CYP17A1: variants seen among roughly 807,000 people sequenced by gnomAD.
CYP17A1 encodes the protein cytochrome P450 family 17 subfamily A member 1.
A neutral mutation model predicts 38.5 loss-of-function variants in CYP17A1; 27 were observed. The observed-to-expected ratio is 0.70, with a 90% CI of 0.52 to 0.97. CYP17A1 has a LOEUF of 0.97. Ranked by LOEUF, CYP17A1 falls within the 50% of genes least tolerant of loss-of-function variation. The pLI, the probability that CYP17A1 is intolerant of heterozygous loss-of-function variation, is 0.00. For synonymous variants in CYP17A1, 263 were observed against 253.3 expected, an observed-to-expected ratio of 1.04 and a Z score of -0.36; for missense variants, 549 against 645.9, an observed-to-expected ratio of 0.85 and a Z score of 1.63.
intron 1 of CYP17A1, chr10:102,835,719 G>A (rs1844154105): frequency 2.5e-6 from 1 of 394,966 alleles, no homozygotes; most frequent in Non-Finnish European, 4.8e-6. Flanking sequence ...CTGACCACAG[G>A]AAGGCAACTC....
chr10:102,832,690 A>G lies in CYP17A1; in HGVS notation c.970-10T>C, dbSNP rs1844106268. ...AGAGCTTCTTCTTCACCTGAAGACCAGAGTAGGTTGGAGGTGACTAGTGTG... is the reference window on the plus strand; with the variant it reads ...AGAGCTTCTTCTTCACCTGAAGACCGGAGTAGGTTGGAGGTGACTAGTGTG... On this transcript the variant is annotated splice_polypyrimidine_tract_variant and intron_variant, in intron 5 of 7. Transcript: ENST00000369887. 1 of 1,586,420 alleles carries G rather than the reference A, an allele frequency of 6.3e-7. No homozygotes were observed. The highest frequency in any genetic ancestry group is 8.7e-7 in the Non-Finnish European group (1 of 1,154,804).
intron 6 of CYP17A1, 110 bp downstream of exon 6, chr10:102,832,401 G>T: frequency 1.3e-6 from 1 of 780,492 alleles, no homozygotes; most frequent in South Asian, 1.4e-5. Flanking sequence ...GTTGATGGTT[G>T]ACTGACTTTA....
In CYP17A1 at chr10:102,837,387, TAGAC is replaced by T. The variant is rs1844179455; in HGVS notation, c.-30_-27del. On this transcript the variant is annotated 5_prime_UTR_variant, in exon 1 of 8. Transcript: ENST00000369887. ...GGTGGCTGGGTGCCGGCAGGCAAGA[TAGAC>T]AGCAGTGGAGTAGAAGAGCTGTGGC... The T allele has an allele frequency of 6.7e-7, 1 of 1,496,788 alleles. No individual in the cohort carries two copies. The highest frequency in any genetic ancestry group is 2.3e-5 in the East Asian group (1 of 44,354). The allele number at this position is 1,496,788 out of a possible 1,614,324, so 92.7% of individuals were successfully genotyped here. A position where few individuals can be genotyped will look rare whatever the true frequency, so the allele number is the denominator to read the frequency against.
In CYP17A1 at chr10:102,835,285, G is replaced by C; in HGVS notation, c.405C>G (p.Phe135Leu). The C allele has an allele frequency of 6.2e-7, 1 of 1,613,504 alleles. No individual in the cohort carries two copies. The highest frequency in any genetic ancestry group is 8.5e-7 in the Non-Finnish European group (1 of 1,179,450). ...RRLAMATFAL[F>L]KDGDQKLEKI... ...TCTCCAGCTTCTGATCGCCATCCTTGAACAGGGCAAAGGTGGCCATCGCCA... is the reference window on the plus strand; with the variant it reads ...TCTCCAGCTTCTGATCGCCATCCTTCAACAGGGCAAAGGTGGCCATCGCCA... Residue 135 changes from phenylalanine (F) to leucine (L), a missense_variant, in exon 2 of 8, where the codon TTC becomes TTG. By Grantham distance (22) the Phe-to-Leu change is conservative. Transcript: ENST00000369887.
intron 7 of CYP17A1, 106 bp from the exon 8 acceptor site, chr10:102,831,091 T>A: frequency 2.2e-6 from 1 of 463,464 alleles, no homozygotes; most frequent in Non-Finnish European, 4.1e-6. Flanking sequence ...GGAACCCTGA[T>A]CTGAGGATGT....
chr10:102,835,062 C>T (rs774995068), intron 2 of CYP17A1, 48 bp from the exon 3 acceptor site: 4 of 1,253,038 alleles, frequency 3.2e-6, no homozygotes, highest in African/African-American at 1.5e-5. Context: ...AGCACCCTTA[C>T]CCCCTCTCTG....
intron 6 of CYP17A1, among the ~76,000 whole-genome samples, chr10:102,832,074 T>C (rs1407269506): frequency 6.6e-6 from 1 of 151,872 alleles, no homozygotes; most frequent in Non-Finnish European, 1.5e-5. Flanking sequence ...TATATTTAAT[T>C]AATTAATTAT....
chr10:102,837,272 G>A lies in CYP17A1; in HGVS notation c.90C>T (p.Ser30=). Residue 30 remains serine (S), a synonymous_variant, in exon 1 of 8, where the codon AGC becomes AGT. Coordinates refer to ENST00000369887, the MANE Select transcript of CYP17A1 (RefSeq NM_000102.4). ...RRCPGAKYPK[S]LLSLPLVGSL... ...TGCCCACCAGGGGCAGGGACAGGAG[G>A]CTCTTGGGGTACTTGGCACCAGGGC... 1 of 1,602,676 alleles carries A rather than the reference G, an allele frequency of 6.2e-7. No homozygotes were observed. The highest frequency in any genetic ancestry group is 8.6e-7 in the Non-Finnish European group (1 of 1,169,552).
chr10:102,836,989 T>A (rs1173853066), intron 1 of CYP17A1, 76 bp downstream of exon 1: 4 of 869,752 alleles, frequency 4.6e-6, no homozygotes, highest in African/African-American at 1.6e-5. Flanking sequence ...GGAAGCCCCA[T>A]TCTAGGCATG....
intron 3 of CYP17A1, chr10:102,834,448 G>A (rs770742809): frequency 4.0e-5 from 22 of 549,272 alleles, no homozygotes; most frequent in Non-Finnish European, 6.4e-5. Flanking sequence ...CCTTAACCCC[G>A]CTAAGCCTGC....
At chr10:102,835,424 C>T (rs1590204156) in intron 1 of CYP17A1, 32 bp from the exon 2 acceptor site, 2 of 1,587,464 alleles carry the variant, frequency 1.3e-6, no homozygotes, top group Non-Finnish European at 1.7e-6. Flanking sequence ...GTAGGAATCT[C>T]ACACCATCCA....
At chr10:102,833,956 A>G (rs1844125178) in intron 4 of CYP17A1, 80 bp downstream of exon 4, 6 of 792,712 alleles carry the variant, frequency 7.6e-6, no homozygotes, top group South Asian at 1.4e-5. Flanking sequence ...TGAAGCTTCT[A>G]CAGTGTGTAG....
intron 3 of CYP17A1, chr10:102,834,351 C>T: frequency 1.7e-6 from 1 of 579,084 alleles, no homozygotes; most frequent in Middle Eastern, 4.9e-4. Flanking sequence ...TCTCCTTCCC[C>T]ATTCAATCAA....
intron 7 of CYP17A1, 71 bp downstream of exon 7, chr10:102,831,437 G>A: frequency 6.3e-7 from 1 of 1,596,048 alleles, no homozygotes. Flanking sequence ...CAGAGGTGAA[G>A]GGGTACTGGG....
chr10:102,834,003 C>T lies in CYP17A1; in HGVS notation c.753+33G>A, dbSNP rs763622768. The T allele has an allele frequency of 3.3e-6, 3 of 898,584 alleles. 1 individual carries two copies. In the Admixed American group the frequency reaches 5.1e-5, roughly 15 times the overall value. 55.7% of individuals were successfully genotyped at this position (898,584 alleles called of 1,614,324 possible). A position where few individuals can be genotyped will look rare whatever the true frequency, so the allele number is the denominator to read the frequency against. ...CCCTGCTCTTGTGATTACTTTTAGC[C>T]TAACTCATATTCTCTTCTGCTCTAT... On this transcript the variant is annotated intron_variant, in intron 4 of 7. Transcript: ENST00000369887.
At position 102,830,617 on chromosome 10, in the gene CYP17A1, A is replaced by G; in HGVS notation, c.*85T>C. ...GCAGAGTGGGTTGGGAGTAGGGAAGAATGGCGGAGAAGGGTGGGGGGTTGT... is the reference window on the plus strand; with the variant it reads ...GCAGAGTGGGTTGGGAGTAGGGAAGGATGGCGGAGAAGGGTGGGGGGTTGT... On this transcript the variant is annotated 3_prime_UTR_variant, in exon 8 of 8. Transcript: ENST00000369887. The surrounding 1 kb of genome is among the most constrained non-coding windows in gnomAD (Gnocchi z 4.1). The G allele has an allele frequency of 1.3e-6, 1 of 781,888 alleles. No individual in the cohort carries two copies. Among genetic ancestry groups the G allele is most frequent in the Non-Finnish European group, 2.2e-6 (1 of 452,518 alleles). 48.4% of individuals were successfully genotyped at this position (781,888 alleles called of 1,614,324 possible). A position where few individuals can be genotyped will look rare whatever the true frequency, so the allele number is the denominator to read the frequency against.
chr10:102,833,364 C>T (rs1260502796), intron 4 of CYP17A1, 156 bp from the exon 5 acceptor site: 2 of 1,441,674 alleles, frequency 1.4e-6, no homozygotes, highest in South Asian at 1.3e-5. Context: ...AGGTAGGAGG[C>T]AGCCCCGGGC....
intron 1 of CYP17A1, 149 bp downstream of exon 1, chr10:102,836,915 AG>A: frequency 1.4e-6 from 1 of 715,360 alleles, no homozygotes; most frequent in South Asian, 1.5e-5. Context: ...GGGGGTCTGA[AG>A]GTTCACTCCC....
At position 102,834,968 on chromosome 10, in the gene CYP17A1, G is replaced by A. The variant is rs767962487; in HGVS notation, c.483C>T (p.Asn161=). 3.7e-5 allele frequency: 60 copies of A among 1,611,226 alleles called. No individual in the cohort carries two copies. Among genetic ancestry groups the A allele is most frequent in the South Asian group, 5.5e-5 (5 of 91,048 alleles). The change falls in exon 3 of 8, where the codon AAC becomes AAT. Residue 161 remains asparagine (N), a synonymous_variant. Coordinates refer to ENST00000369887, the MANE Select transcript of CYP17A1 (RefSeq NM_000102.4). ...STLCDMLATH[N]GQSIDISFPV... The stretch of plus-strand genomic sequence containing the variant: ...GAAAGGAGATGTCTATGGACTGTCC[G>A]TTGTGGGTGGCCAGCATATCACACA...
Sources: gnomAD v4.1 joint callset for allele counts (sites outside exome capture counted in the v4.1 genomes callset) on GRCh38, gnomAD v4.1.1 for gene constraint, Gnocchi (gnomAD v3.1) non-coding constraint, MANE v1.5 for transcripts, NCBI Gene and HGNC (gene_info 2026-07-23, HGNC 2026-07-21) for gene names.